STX8: variants seen among roughly 807,000 people sequenced by gnomAD.
STX8 encodes the protein syntaxin-8.
STX8 carries 23 observed loss-of-function variants against 37.5 expected under a neutral mutation model. The observed-to-expected ratio is 0.61, with a 90% CI of 0.44 to 0.87. STX8 has a LOEUF of 0.87. STX8 is among the 40% of genes least tolerant of loss of function. The pLI is 0.00. For missense variants in STX8, 313 were observed against 284.7 expected, an observed-to-expected ratio of 1.10 and a Z score of -0.71; for synonymous variants, 115 against 99.1, an observed-to-expected ratio of 1.16 and a Z score of -0.95.
At chr17:9,555,323 TAA>T (rs1380490638) in intron 3 of STX8, 1 of 152,200 alleles carries the variant, frequency 6.6e-6, no homozygotes, top group Non-Finnish European at 1.5e-5. Flanking sequence ...TAGTACTCTC[TAA>T]TAACTAGCAG....
chr17:9,449,668 T>C (rs1904973532), intron 6 of STX8, among the ~76,000 whole-genome samples: 1 of 152,098 alleles, frequency 6.6e-6, no homozygotes, highest in Non-Finnish European at 1.5e-5. Context: ...TGAATAAATC[T>C]TAAATGCATT....
At chr17:9,404,042 G>T (rs1459546652) in intron 6 of STX8, among the ~76,000 whole-genome samples, 1 of 151,792 alleles carries the variant, frequency 6.6e-6, no homozygotes, top group African/African-American at 2.4e-5. Context: ...AACATATTTT[G>T]TATATGTTAT....
chr17:9,482,712 G>C (rs957108214), intron 6 of STX8, among the ~76,000 whole-genome samples: 1 of 152,052 alleles, frequency 6.6e-6, no homozygotes, highest in Non-Finnish European at 1.5e-5. Flanking sequence ...CCCGGAGTTC[G>C]AGACCAGCCT....
At chr17:9,571,064 G>T (rs1288654128) in intron 1 of STX8, among the ~76,000 whole-genome samples, 1 of 152,134 alleles carries the variant, frequency 6.6e-6, no homozygotes, top group East Asian at 1.9e-4. Flanking sequence ...GCAGAGCCTT[G>T]AACACCAGTC....
chr17:9,423,756 A>G (rs1025075214), intron 6 of STX8, among the ~76,000 whole-genome samples: 1 of 152,226 alleles, frequency 6.6e-6, no homozygotes, highest in Admixed American at 6.5e-5. Context: ...TCCAAAGATA[A>G]AAGAAAAACA....
At chr17:9,257,565 A>G (rs12451773) in intron 7 of STX8, among the ~76,000 whole-genome samples, 78,242 of 151,970 alleles carry the variant, frequency 0.51, 20,942 homozygotes, top group Non-Finnish European at 0.6. Context: ...GAACGTGGCA[A>G]GTAGGCTGAT....
intron 7 of STX8, among the ~76,000 whole-genome samples, chr17:9,327,154 T>C (rs572643153): frequency 1.5e-5 from 2 of 130,260 alleles, no homozygotes; most frequent in African/African-American, 3.0e-5. Context: ...CTAAACTCTG[T>C]CTCAAAAAAA....
chr17:9,271,768 A>G (rs914317324), intron 7 of STX8, among the ~76,000 whole-genome samples: 1 of 150,640 alleles, frequency 6.6e-6, no homozygotes, highest in Non-Finnish European at 1.5e-5. Flanking sequence ...AAAAAAAAAA[A>G]GAAAGAAAGA....
At chr17:9,254,236 G>A (rs1277567117) in intron 7 of STX8, among the ~76,000 whole-genome samples, 2 of 152,110 alleles carry the variant, frequency 1.3e-5, no homozygotes, top group African/African-American at 4.8e-5. Context: ...GAAGGTAGGG[G>A]CCCTGCCTCC....
At chr17:9,472,826 A>G (rs1260063963) in intron 6 of STX8, among the ~76,000 whole-genome samples, 1 of 152,112 alleles carries the variant, frequency 6.6e-6, no homozygotes, top group East Asian at 1.9e-4. Flanking sequence ...TTTTCCTTGG[A>G]AAACCCTCAT....
chr17:9,488,620 C>A (rs887411345), intron 6 of STX8, among the ~76,000 whole-genome samples: 1 of 152,014 alleles, frequency 6.6e-6, no homozygotes, highest in African/African-American at 2.4e-5. Flanking sequence ...TCTTTGAAGA[C>A]GGAGGAAGGG....
intron 7 of STX8, among the ~76,000 whole-genome samples, chr17:9,327,003 C>T (rs1909776056): frequency 6.6e-6 from 1 of 151,834 alleles, no homozygotes; most frequent in South Asian, 2.1e-4. Flanking sequence ...ACTAAAAATA[C>T]AAAATTAGCC....
At chr17:9,464,068 G>A (rs1366392765) in intron 6 of STX8, among the ~76,000 whole-genome samples, 1 of 152,150 alleles carries the variant, frequency 6.6e-6, no homozygotes, top group Non-Finnish European at 1.5e-5. Context: ...GAGCAAGACT[G>A]TCTCAAAAAC....
chr17:9,354,187 T>C (rs1348146127), intron 7 of STX8, among the ~76,000 whole-genome samples: 1 of 152,238 alleles, frequency 6.6e-6, no homozygotes, highest in Non-Finnish European at 1.5e-5. Context: ...AGTTGAATCA[T>C]ATATTTTGAT....
At chr17:9,546,602 T>TTTTTTTTTTTTTTTTG in intron 3 of STX8, among the ~76,000 whole-genome samples, 1 of 127,350 alleles carries the variant, frequency 7.9e-6, no homozygotes, top group Non-Finnish European at 1.6e-5. Flanking sequence ...TTTTTTTTTT[T>TTTTTTTTTTTTTTTTG]TTTTTTTTTT....
chr17:9,312,647 G>A (rs1034425915), intron 7 of STX8, among the ~76,000 whole-genome samples: 1 of 152,210 alleles, frequency 6.6e-6, no homozygotes, highest in Non-Finnish European at 1.5e-5. Flanking sequence ...TGATTTGTTA[G>A]GAGAGCAAGG....
At chr17:9,449,388 G>A (rs1484616881) in intron 6 of STX8, among the ~76,000 whole-genome samples, 3 of 152,090 alleles carry the variant, frequency 2.0e-5, no homozygotes, top group South Asian at 2.1e-4. Flanking sequence ...GCGAAACCCC[G>A]TCTCCACTAA....
intron 7 of STX8, among the ~76,000 whole-genome samples, chr17:9,368,760 T>C (rs1179528588): frequency 1.3e-5 from 2 of 152,172 alleles, no homozygotes; most frequent in African/African-American, 4.8e-5. Flanking sequence ...CAGAAGCAGC[T>C]TGTCTTACTA....
At chr17:9,562,126 G>A (rs535403011) in intron 2 of STX8, among the ~76,000 whole-genome samples, 5 of 151,052 alleles carry the variant, frequency 3.3e-5, no homozygotes, top group African/African-American at 9.7e-5. Flanking sequence ...ACTTTCGGCC[G>A]GGCGCAGTGG....
Sources: allele counts gnomAD v4.1 joint callset (sites outside exome capture counted in the v4.1 genomes callset), GRCh38; gene constraint gnomAD v4.1.1; transcripts MANE v1.5; gene names NCBI Gene and HGNC (gene_info 2026-07-23, HGNC 2026-07-21).